The following CDH4 variants were observed in gnomAD, a reference collection of about 807,000 sequenced individuals.
The protein encoded by CDH4 is cadherin 4, also known as cadherin-4.
CDH4 carries 33 observed loss-of-function variants against 86.0 expected under a neutral mutation model. The ratio of observed to expected loss-of-function variants is 0.38; its 90% confidence interval spans 0.29 to 0.51. The LOEUF (loss-of-function observed/expected upper bound fraction) is 0.51, where lower values mean the gene tolerates loss of function less well. Among genes scored for constraint, CDH4 ranks in the 20% least tolerant of loss-of-function variants. CDH4 has a pLI of 0.86. For missense variants in CDH4, 1,114 were observed against 1,307.4 expected, an observed-to-expected ratio of 0.85 and a Z score of 2.28; for synonymous variants, 555 against 549.4, an observed-to-expected ratio of 1.01 and a Z score of -0.14.
chr20:61,860,742 G>A (rs1444568442), intron 6 of CDH4, among the ~76,000 whole-genome samples: 2 of 152,180 alleles, frequency 1.3e-5, no homozygotes, highest in Non-Finnish European at 2.9e-5. Context: ...GGCCCCTGCA[G>A]GGTTGGCTAC....
intron 2 of CDH4, among the ~76,000 whole-genome samples, chr20:61,327,334 G>A (rs1050715203): frequency 1.1e-4 from 17 of 152,166 alleles, no homozygotes; most frequent in Admixed American, 1.1e-3. Context: ...TAAATAAAGA[G>A]CTCTTTGAAA....
rs536865188 is a variant in CDH4 at position 61,818,264 on chromosome 20, T to G, written c.577-26404T>G. Among the ~76,000 whole-genome samples the G allele has an allele frequency of 2.6e-5, 4 of 152,350 alleles. No individual in the cohort carries two copies. In the South Asian group the frequency reaches 8.3e-4, roughly 32 times the overall value. On this transcript the variant is annotated intron_variant, in intron 4 of 15. Coordinates refer to ENST00000614565, the MANE Select transcript of CDH4 (RefSeq NM_001794.5). ...AGGAGGGCTTGGCTTCGAGGCTGCA[T>G]GCCCTTGCTGGGGTGTGGGGGAGGC...
At chr20:61,525,646 G>GC (rs2085904392) in intron 2 of CDH4, among the ~76,000 whole-genome samples, 1 of 152,188 alleles carries the variant, frequency 6.6e-6, no homozygotes, top group African/African-American at 2.4e-5. Flanking sequence ...CTGTGCTGCG[G>GC]CTGTACCCGA....
intron 2 of CDH4, among the ~76,000 whole-genome samples, chr20:61,375,092 T>G (rs570033977): frequency 6.6e-6 from 1 of 152,290 alleles, no homozygotes; most frequent in South Asian, 2.1e-4. Context: ...CCCTAAAACC[T>G]ATAAAACCAA....
At chr20:61,894,764 G>GC in intron 7 of CDH4, 146 bp from the exon 8 acceptor site, 1 of 822,946 alleles carries the variant, frequency 1.2e-6, no homozygotes, top group Non-Finnish European at 1.9e-6. Context: ...CTTGGAAAGG[G>GC]CCCTGCGCCC....
At chr20:61,888,879 C>A (rs1452203829) in intron 7 of CDH4, among the ~76,000 whole-genome samples, 6 of 152,238 alleles carry the variant, frequency 3.9e-5, no homozygotes, top group Non-Finnish European at 8.8e-5. Flanking sequence ...CTGGCCCTCA[C>A]TGGACTCAGT....
chr20:61,601,573 C>T (rs1355393328), intron 2 of CDH4, among the ~76,000 whole-genome samples: 1 of 152,228 alleles, frequency 6.6e-6, no homozygotes, highest in Non-Finnish European at 1.5e-5. Context: ...TGCCCGCCCG[C>T]TGCCCACCAT....
chr20:61,533,947 T>G (rs2085974939), intron 2 of CDH4, among the ~76,000 whole-genome samples: 1 of 152,172 alleles, frequency 6.6e-6, no homozygotes, highest in African/African-American at 2.4e-5. Context: ...GGGAGGTGCT[T>G]CTTGCCATTG....
chr20:61,321,603 C>T (rs906319023), intron 2 of CDH4, among the ~76,000 whole-genome samples: 2 of 152,276 alleles, frequency 1.3e-5, no homozygotes, highest in East Asian at 3.9e-4. Context: ...TGACACCTTC[C>T]ATGTAGACGT....
intron 2 of CDH4, among the ~76,000 whole-genome samples, chr20:61,615,130 GT>G (rs11477544): frequency 0.73 from 109,642 of 150,084 alleles, 40,219 homozygotes; most frequent in East Asian, 0.78. Flanking sequence ...TGTTTTTTTG[GT>G]TTTTTTTTTG....
rs554445112 is a variant in CDH4, at chr20:61,837,280, C to T, written c.577-7388C>T. Among the ~76,000 whole-genome samples the T allele has an allele frequency of 1.1e-4, 16 of 152,314 alleles. 1 individual carries two copies. The South Asian group carries it at 1.7e-3, about 16-fold the overall frequency. Reference sequence around the variant, plus strand: ...GAGTGAGAGAAGGGGCCAGGATGTTCGTCTCCTGTGGAGCATCCAGGGGCG... The same window carrying T: ...GAGTGAGAGAAGGGGCCAGGATGTTTGTCTCCTGTGGAGCATCCAGGGGCG... On this transcript the variant is annotated intron_variant, in intron 4 of 15. Transcript: ENST00000614565.
chr20:61,457,878 T>C, intron 2 of CDH4, among the ~76,000 whole-genome samples: 1 of 146,976 alleles, frequency 6.8e-6, no homozygotes, highest in East Asian at 2.1e-4. Flanking sequence ...GGTGATGGTA[T>C]GACTGACACT....
Position 61,879,413 on chromosome 20 carries a change from C to T in CDH4, c.1050+5513C>T, listed in dbSNP as rs1984185837. Among the ~76,000 whole-genome samples, 1 of 152,216 alleles carries T rather than the reference C, an allele frequency of 6.6e-6. No homozygotes were observed. The highest frequency in any genetic ancestry group is 2.1e-4 in the South Asian group (1 of 4,832). On this transcript the variant is annotated intron_variant, in intron 7 of 15. Transcript: ENST00000614565. The surrounding 1 kb of genome is among the most constrained non-coding windows in gnomAD (Gnocchi z 4.1). ...ATTCATCTCCCCTGCCCTTGGGCAACAAGCAGAGTCTTCGGGGGAAGCACC... is the reference window on the plus strand; with the variant it reads ...ATTCATCTCCCCTGCCCTTGGGCAATAAGCAGAGTCTTCGGGGGAAGCACC...
rs191480722 is a variant in CDH4 at position 61,924,326 on chromosome 20, C to T, written c.1629-8C>T. The T allele has an allele frequency of 8.5e-4, 1,187 of 1,404,640 alleles. 18 individuals are homozygous for T. The highest frequency in any genetic ancestry group is 6.4e-3 in the African/African-American group (444 of 68,928). The allele number at this position is 1,404,640 out of a possible 1,614,324, so 87.0% of individuals were successfully genotyped here. ...CCTTACCTCCCCCTGCACTTGTGGTCTCCGCAGATACTCAAAGCTGTCAGA... is the reference window on the plus strand; with the variant it reads ...CCTTACCTCCCCCTGCACTTGTGGTTTCCGCAGATACTCAAAGCTGTCAGA... On this transcript the variant is annotated splice_polypyrimidine_tract_variant and splice_region_variant and intron_variant, in intron 10 of 15. Coordinates refer to ENST00000614565, the MANE Select transcript of CDH4 (RefSeq NM_001794.5).
At chr20:61,565,112 G>T (rs1163922759) in intron 2 of CDH4, among the ~76,000 whole-genome samples, 9 of 123,758 alleles carry the variant, frequency 7.3e-5, no homozygotes, top group Non-Finnish European at 9.1e-5. Context: ...TCTTGGTGGT[G>T]CTGGTGCTCT....
intron 2 of CDH4, among the ~76,000 whole-genome samples, chr20:61,274,290 T>G (rs1186644548): frequency 1.7e-5 from 2 of 115,124 alleles, no homozygotes. Context: ...GAGTACCATA[T>G]GCAGTTTGGG....
rs188132821 is a variant in CDH4 at position 61,345,496 on chromosome 20, C to T, written c.169+90559C>T. ...AATGTAGTATGGGGTAAAAGAAGTC[C>T]GTGAGGACAAGGTAACCATGCCTTT... On this transcript the variant is annotated intron_variant, in intron 2 of 15. Coordinates refer to ENST00000614565, the MANE Select transcript of CDH4 (RefSeq NM_001794.5). Among the ~76,000 whole-genome samples, 39 of 152,294 alleles carry T rather than the reference C, an allele frequency of 2.6e-4. No homozygotes were observed. In the East Asian group the frequency reaches 6.6e-3, roughly 26 times the overall value.
At chr20:61,614,059 A>C (rs893718504) in intron 2 of CDH4, among the ~76,000 whole-genome samples, 1 of 152,108 alleles carries the variant, frequency 6.6e-6, no homozygotes, top group Non-Finnish European at 1.5e-5. Flanking sequence ...TGGTGGAATG[A>C]GAAATTGACT....
intron 2 of CDH4, among the ~76,000 whole-genome samples, chr20:61,545,978 GTGT>G (rs2086078532): frequency 8.3e-6 from 1 of 120,846 alleles, no homozygotes; most frequent in African/African-American, 3.2e-5. Flanking sequence ...GTGTGTGTGT[GTGT>G]GGAGGGGTGT....
Sources: allele counts gnomAD v4.1 joint callset (sites outside exome capture counted in the v4.1 genomes callset), GRCh38; gene constraint gnomAD v4.1.1; non-coding constraint Gnocchi (gnomAD v3.1); transcripts MANE v1.5; gene names NCBI Gene and HGNC (gene_info 2026-07-23, HGNC 2026-07-21).